The following GRID2 variants were observed in gnomAD, a reference collection of about 807,000 sequenced individuals.
GRID2 encodes glutamate receptor ionotropic, delta-2.
GRID2 carries 33 observed loss-of-function variants against 114.8 expected under a neutral mutation model. The ratio of observed to expected loss-of-function variants is 0.29; its 90% CI spans 0.22 to 0.38. The LOEUF (loss-of-function observed/expected upper bound fraction) is 0.38. GRID2 is among the 10% of genes least tolerant of loss of function. The pLI, the probability that GRID2 is intolerant of heterozygous loss-of-function variation, is 1.00. For synonymous variants in GRID2, 505 were observed against 449.9 expected (o/e 1.12, Z -1.55); for missense variants, 1,184 against 1,257.7 (o/e 0.94, Z 0.89).
At chr4:92,731,796 A>T (rs995020176) in intron 2 of GRID2, among the ~76,000 whole-genome samples, 1 of 151,962 alleles carries the variant, frequency 6.6e-6, no homozygotes, top group Non-Finnish European at 1.5e-5. Flanking sequence ...TTCATTCCCA[A>T]TAAGGCAATC....
At chr4:93,739,059 G>A (rs1182047829) in intron 14 of GRID2, among the ~76,000 whole-genome samples, 1 of 152,060 alleles carries the variant, frequency 6.6e-6, no homozygotes, top group African/African-American at 2.4e-5. Context: ...TTCTGAATCT[G>A]GGTCAGTCAG....
intron 9 of GRID2, among the ~76,000 whole-genome samples, chr4:93,403,009 A>G (rs1221252252): frequency 2.0e-5 from 3 of 152,072 alleles, no homozygotes; most frequent in Non-Finnish European, 4.4e-5. Flanking sequence ...CCTGGAGGCA[A>G]GGTTAGGGGT....
intron 8 of GRID2, among the ~76,000 whole-genome samples, chr4:93,390,785 A>G (rs1764777680): frequency 1.3e-5 from 2 of 152,204 alleles, no homozygotes; most frequent in South Asian, 4.1e-4. Context: ...ATGTGTATAT[A>G]GACATATATA....
chr4:92,389,723 A>G (rs1371064425), intron 1 of GRID2, among the ~76,000 whole-genome samples: 1 of 152,080 alleles, frequency 6.6e-6, no homozygotes, highest in African/African-American at 2.4e-5. Context: ...CACTGATGAT[A>G]TGGAACTGGG....
At chr4:92,451,411 C>G (rs1720919934) in intron 1 of GRID2, among the ~76,000 whole-genome samples, 2 of 152,052 alleles carry the variant, frequency 1.3e-5, no homozygotes, top group African/African-American at 2.4e-5. Context: ...AAAGATAAAA[C>G]AGAGTAAGAA....
intron 2 of GRID2, among the ~76,000 whole-genome samples, chr4:92,868,214 C>G (rs79510923): frequency 1.3e-5 from 2 of 152,026 alleles, no homozygotes; most frequent in East Asian, 3.9e-4. Context: ...TGTGCTAGTT[C>G]TACTACTTCT....
At chr4:92,842,184 T>G (rs542305986) in intron 2 of GRID2, among the ~76,000 whole-genome samples, 1 of 152,140 alleles carries the variant, frequency 6.6e-6, no homozygotes, top group South Asian at 2.1e-4. Context: ...TGCATTAGGG[T>G]TTTGGTGCTA....
chr4:93,014,682 G>T (rs1012495246), intron 2 of GRID2, among the ~76,000 whole-genome samples: 9 of 152,102 alleles, frequency 5.9e-5, no homozygotes, highest in Non-Finnish European at 8.8e-5. Flanking sequence ...ATGGCTTATG[G>T]TCAAATGTAA....
chr4:93,635,003 G>T (rs1177435560), intron 14 of GRID2, among the ~76,000 whole-genome samples: 1 of 151,952 alleles, frequency 6.6e-6, no homozygotes, highest in Non-Finnish European at 1.5e-5. Context: ...TTTTTAGAAA[G>T]GCAGTGATTA....
intron 1 of GRID2, among the ~76,000 whole-genome samples, chr4:92,494,241 G>C (rs895580906): frequency 1.3e-5 from 2 of 151,874 alleles, no homozygotes; most frequent in African/African-American, 4.8e-5. Context: ...TCTTTGGAGA[G>C]AGAGCCATTA....
At chr4:93,558,663 G>A (rs1300430896) in intron 13 of GRID2, among the ~76,000 whole-genome samples, 1 of 152,112 alleles carries the variant, frequency 6.6e-6, no homozygotes, top group Non-Finnish European at 1.5e-5. Flanking sequence ...GGTACAAAGA[G>A]GAGCTGGTAC....
chr4:92,900,079 G>A (rs1747460112), intron 2 of GRID2, among the ~76,000 whole-genome samples: 1 of 152,124 alleles, frequency 6.6e-6, no homozygotes, highest in Non-Finnish European at 1.5e-5. Context: ...AGGGAAAGGT[G>A]AGGTTAGAGA....
chr4:92,746,009 T>C (rs889363945), intron 2 of GRID2, among the ~76,000 whole-genome samples: 3 of 152,130 alleles, frequency 2.0e-5, no homozygotes, highest in Non-Finnish European at 4.4e-5. Flanking sequence ...TCTCAGTTTT[T>C]CCTTACATAA....
intron 8 of GRID2, among the ~76,000 whole-genome samples, chr4:93,339,832 C>T (rs1018256301): frequency 6.6e-6 from 1 of 151,810 alleles, no homozygotes; most frequent in Non-Finnish European, 1.5e-5. Flanking sequence ...GGAAGCAAGG[C>T]ACCTTCTTCA....
intron 2 of GRID2, among the ~76,000 whole-genome samples, chr4:93,010,844 T>C (rs1317231314): frequency 6.6e-6 from 1 of 152,094 alleles, no homozygotes; most frequent in Non-Finnish European, 1.5e-5. Flanking sequence ...CCTTTATAAT[T>C]TTTTCTGTTG....
intron 2 of GRID2, among the ~76,000 whole-genome samples, chr4:92,592,801 A>T (rs972418376): frequency 1.3e-5 from 2 of 149,936 alleles, no homozygotes; most frequent in African/African-American, 4.9e-5. Context: ...TAATGTTAGA[A>T]GTAAAAATAC....
chr4:93,081,492 GTGTTGCAAT>G (rs1366981925), intron 2 of GRID2, among the ~76,000 whole-genome samples: 1 of 152,128 alleles, frequency 6.6e-6, no homozygotes, highest in African/African-American at 2.4e-5. Context: ...AAGGGCAAAA[GTGTTGCAAT>G]TGCTATTAAA....
rs151176251 is a variant in GRID2 at position 93,795,098 on chromosome 4, CTAAG to C, written c.222-11616_222-11613del. 6.2e-3 allele frequency among the ~76,000 whole-genome samples: 947 copies of C among 152,064 alleles called. 11 individuals carry two copies. Among genetic ancestry groups the C allele is most frequent in the African/African-American group, 0.022 (912 of 41,496 alleles). On this transcript the variant is annotated intron_variant, in intron 1 of 1. Transcript: ENST00000637838. ...GATATTTTAGCATAAAGACAAAAAA[CTAAG>C]AGATACAATGAGCAGAATCATAGTT...
At chr4:92,833,871 A>T (rs1344910394) in intron 2 of GRID2, 1 of 152,208 alleles carries the variant, frequency 6.6e-6, no homozygotes, top group Non-Finnish European at 1.5e-5. Flanking sequence ...CCTGTGGGTG[A>T]CGATCACTCC....
Sources: allele counts gnomAD v4.1 joint callset (sites outside exome capture counted in the v4.1 genomes callset), GRCh38; gene constraint gnomAD v4.1.1; transcripts MANE v1.5; gene names NCBI Gene and HGNC (gene_info 2026-07-23, HGNC 2026-07-21).